The following CHST15 variants were observed in gnomAD, a reference collection of about 807,000 sequenced individuals.
CHST15 encodes the protein B cell RAG associated protein (GALNAC4S-6ST).
In CHST15, 30 loss-of-function variants were observed where a neutral mutation model predicts 53.6. The ratio of observed to expected loss-of-function variants is 0.56; its 90% CI spans 0.42 to 0.76. The LOEUF (loss-of-function observed/expected upper bound fraction) is 0.76, where lower values mean the gene tolerates loss of function less well. Among genes scored for constraint, CHST15 ranks in the 30% least tolerant of loss-of-function variants. CHST15 has a pLI of 0.00. For synonymous variants in CHST15, 296 were observed against 289.8 expected (o/e 1.02, Z -0.22); for missense variants, 627 against 740.5 (o/e 0.85, Z 1.78).
intron 7 of CHST15, chr10:124,011,846 G>C (rs1590170950): frequency 2.0e-6 from 2 of 985,396 alleles, no homozygotes; most frequent in Non-Finnish European, 2.4e-6. Flanking sequence ...GCAATGATCT[G>C]TCTGTTCCCT....
Position 124,009,662 on chromosome 10 carries a change from C to A in CHST15, c.*487G>T. On this transcript the variant is annotated 3_prime_UTR_variant, in exon 8 of 8. Transcript: ENST00000435907. ...GGTATGATCACACCTGTGAAGATAG[C>A]CATTGAATACAGACAGTCTGTGCAA... 1 of 1,001,470 alleles carries A rather than the reference C, an allele frequency of 1.0e-6. No individual in the cohort carries two copies. The allele number at this position is 1,001,470 out of a possible 1,614,324, so 62.0% of individuals were successfully genotyped here.
In CHST15 at chr10:124,056,644, C is replaced by T. The variant is rs924278665; in HGVS notation, c.-512-9920G>A. Among the ~76,000 whole-genome samples, 5 of 152,222 alleles carry T rather than the reference C, an allele frequency of 3.3e-5. No individual in the cohort carries two copies. The East Asian group carries it at 7.7e-4, about 23-fold the overall frequency. On this transcript the variant is annotated intron_variant, in intron 1 of 7. Coordinates refer to ENST00000435907, the MANE Select transcript of CHST15 (RefSeq NM_001270764.2). ...TTACCTTTGCAGCTGAGACAATGGA[C>T]AGGAATGGAACTGGCCCCATGCACA...
chr10:124,068,377 A>T (rs1260138797), intron 1 of CHST15, among the ~76,000 whole-genome samples: 6 of 152,214 alleles, frequency 3.9e-5, no homozygotes, highest in Non-Finnish European at 8.8e-5. Context: ...GAGATAATCC[A>T]TGGGAAGCAC....
chr10:124,044,963 G>C, intron 2 of CHST15, 44 bp from the exon 3 acceptor site: 1 of 1,343,302 alleles, frequency 7.4e-7, no homozygotes, highest in Non-Finnish European at 9.8e-7. Context: ...AGGGGAAAAT[G>C]AGCAAAGACA....
chr10:124,014,660 G>A (rs116519845), intron 6 of CHST15, among the ~76,000 whole-genome samples: 528 of 152,256 alleles, frequency 3.5e-3, no homozygotes, highest in African/African-American at 0.012. Context: ...CTTGTAGGCC[G>A]TCCCTCGTAG....
intron 5 of CHST15, among the ~76,000 whole-genome samples, chr10:124,027,263 G>A (rs2133896604): frequency 6.6e-6 from 1 of 152,276 alleles, no homozygotes; most frequent in Middle Eastern, 3.4e-3. Context: ...CCCTGGAGGA[G>A]CGGTGGGATG....
At chr10:124,055,570 G>A (rs890808469) in intron 1 of CHST15, among the ~76,000 whole-genome samples, 3 of 152,190 alleles carry the variant, frequency 2.0e-5, no homozygotes, top group African/African-American at 7.2e-5. Flanking sequence ...ACAGATGCAG[G>A]AAGTAACACC....
At chr10:124,079,477 G>A (rs1165853607) in intron 1 of CHST15, among the ~76,000 whole-genome samples, 4 of 152,242 alleles carry the variant, frequency 2.6e-5, no homozygotes, top group Non-Finnish European at 4.4e-5. Flanking sequence ...AGCAGTCCAG[G>A]AGTAGACAAG....
At chr10:124,085,754 G>C (rs969278502) in intron 1 of CHST15, among the ~76,000 whole-genome samples, 4 of 152,098 alleles carry the variant, frequency 2.6e-5, no homozygotes, top group Non-Finnish European at 4.4e-5. Context: ...GAAAACTGCA[G>C]AAGCTCAGAG....
At chr10:124,076,522 C>T (rs1319233857) in intron 1 of CHST15, among the ~76,000 whole-genome samples, 1 of 152,164 alleles carries the variant, frequency 6.6e-6, no homozygotes, top group Non-Finnish European at 1.5e-5. Context: ...TCAGCTGCAG[C>T]CCGTGCCCCC....
chr10:124,020,782 G>A, intron 6 of CHST15: 1 of 1,097,124 alleles, frequency 9.1e-7, no homozygotes. Flanking sequence ...AGTTCTGAAG[G>A]AAGAACAAGA....
At chr10:124,045,645 A>C (rs566976590) in intron 2 of CHST15, 22 bp downstream of exon 2, 198 of 1,543,516 alleles carry the variant, frequency 1.3e-4, no homozygotes, top group Non-Finnish European at 1.7e-4. Context: ...CAATCAGTCA[A>C]GATTAGCACA....
At position 124,012,491 on chromosome 10, in the gene CHST15, A is replaced by G. The variant is rs2133820455; in HGVS notation, c.1348-11T>C. 1 of 1,605,622 alleles carries G rather than the reference A, an allele frequency of 6.2e-7. No homozygotes were observed. The highest frequency in any genetic ancestry group is 8.5e-7 in the Non-Finnish European group (1 of 1,173,842). Reference sequence around the variant, plus strand: ...AACCTGGAGCCTCACCTAGGACCACAGAAGAAGGGCATTATTTCAGGAGCA... The same window carrying G: ...AACCTGGAGCCTCACCTAGGACCACGGAAGAAGGGCATTATTTCAGGAGCA... On this transcript the variant is annotated splice_polypyrimidine_tract_variant and intron_variant, in intron 6 of 7. Transcript: ENST00000435907.
chr10:124,052,885 T>G (rs936578923), intron 1 of CHST15, among the ~76,000 whole-genome samples: 1 of 151,870 alleles, frequency 6.6e-6, no homozygotes, highest in African/African-American at 2.4e-5. Flanking sequence ...AATAAAAAAT[T>G]TGTCAGGATT....
intron 1 of CHST15, among the ~76,000 whole-genome samples, chr10:124,077,929 C>T (rs1378029775): frequency 6.6e-6 from 1 of 152,174 alleles, no homozygotes; most frequent in Non-Finnish European, 1.5e-5. Flanking sequence ...TACACCAGAG[C>T]ATAATTCAAT....
intron 1 of CHST15, among the ~76,000 whole-genome samples, chr10:124,066,266 G>A (rs918979481): frequency 1.3e-5 from 2 of 152,132 alleles, no homozygotes; most frequent in African/African-American, 4.8e-5. Context: ...ACCAGCTAGG[G>A]GAAGGGGGAG....
At chr10:124,034,850 CT>C (rs1225227092) in intron 5 of CHST15, among the ~76,000 whole-genome samples, 1 of 146,158 alleles carries the variant, frequency 6.8e-6, no homozygotes, top group Non-Finnish European at 1.5e-5. Context: ...GGTTCTACCC[CT>C]AACAGGGACC....
chr10:124,060,362 T>TC (rs567205406), intron 1 of CHST15, among the ~76,000 whole-genome samples: 335 of 139,834 alleles, frequency 2.4e-3, no homozygotes, highest in South Asian at 0.011. Context: ...CAAAGGTGTG[T>TC]CCCCCCCGAA....
Position 124,045,669 on chromosome 10 carries a change from G to A in CHST15, c.544C>T (p.His182Tyr). ...DLEDLKKQEL[H>Y]MFSVIPNKFL... ...AAGATTAGCACAAAGCTACTCACAT[G>A]CAACTCCTGCTTCTTAAGGTCTTCT... Residue 182 changes from histidine (H) to tyrosine (Y), a missense_variant and splice_region_variant, in exon 2 of 8, where the codon CAT becomes TAT. Coordinates refer to ENST00000435907, the MANE Select transcript of CHST15 (RefSeq NM_001270764.2). 1 of 1,584,782 alleles carries A rather than the reference G, an allele frequency of 6.3e-7. No homozygotes were observed. The highest frequency in any genetic ancestry group is 8.6e-7 in the Non-Finnish European group (1 of 1,165,272).
Sources: gnomAD v4.1 joint callset for allele counts (sites outside exome capture counted in the v4.1 genomes callset) on GRCh38, gnomAD v4.1.1 for gene constraint, MANE v1.5 for transcripts, NCBI Gene and HGNC (gene_info 2026-07-23, HGNC 2026-07-21) for gene names.